Variants in KDM4C observed in about 807,000 individuals in gnomAD.
KDM4C encodes lysine-specific demethylase 4C.
KDM4C carries 81 observed loss-of-function variants against 129.3 expected under a neutral mutation model. The observed-to-expected ratio is 0.63, with a 90% CI of 0.52 to 0.75. The LOEUF is 0.75. Among genes scored for constraint, KDM4C ranks in the 30% least tolerant of loss-of-function variants. The probability of loss-of-function intolerance (pLI) is 0.00; values close to 1 mark genes in which losing one functional copy is unlikely to be tolerated. For missense variants in KDM4C, 1,457 were observed against 1,304.0 expected, an observed-to-expected ratio of 1.12 and a Z score of -1.81; for synonymous variants, 573 against 456.1, an observed-to-expected ratio of 1.26 and a Z score of -3.26.
chr9:6,983,151 G>A (rs1482076234), intron 9 of KDM4C, among the ~76,000 whole-genome samples: 8 of 152,200 alleles, frequency 5.3e-5, no homozygotes, highest in African/African-American at 1.9e-4. Flanking sequence ...ATCAGTAGCA[G>A]TGAAAGCTAA....
chr9:6,961,058 G>T (rs1445469133), intron 8 of KDM4C, among the ~76,000 whole-genome samples: 1 of 152,100 alleles, frequency 6.6e-6, no homozygotes, highest in African/African-American at 2.4e-5. Flanking sequence ...TTTTTCTTAG[G>T]CTGACACTTA....
At chr9:6,797,960 T>C (rs185364606) in intron 2 of KDM4C, among the ~76,000 whole-genome samples, 3 of 152,312 alleles carry the variant, frequency 2.0e-5, no homozygotes, top group Non-Finnish European at 4.4e-5. Flanking sequence ...TTAGATTCAC[T>C]AAACATAAAG....
In KDM4C at chr9:6,831,483, C is replaced by T. The variant is rs539752318; in HGVS notation, c.435+16738C>T. Among the ~76,000 whole-genome samples the T allele has an allele frequency of 9.2e-5, 14 of 152,270 alleles. No individual in the cohort carries two copies. The South Asian group carries it at 2.9e-3, about 32-fold the overall frequency. The stretch of plus-strand genomic sequence containing the variant: ...ATAGCCTTCCCAGTAACTGGGATTA[C>T]AGGTGTGTGCCACCACGCCCAGCTA... On this transcript the variant is annotated intron_variant, in intron 4 of 21. Transcript: ENST00000381309.
intron 19 of KDM4C, among the ~76,000 whole-genome samples, chr9:7,149,276 C>T (rs1246507990): frequency 6.6e-6 from 1 of 152,242 alleles, no homozygotes; most frequent in Non-Finnish European, 1.5e-5. Context: ...TGCCTGGGCT[C>T]AGCTATCAAG....
chr9:6,961,492 TTC>T lies in KDM4C; in HGVS notation c.922-19431_922-19430del, dbSNP rs369921192. Among the ~76,000 whole-genome samples, 35 of 152,340 alleles carry T rather than the reference TTC, an allele frequency of 2.3e-4. No individual in the cohort carries two copies. In the East Asian group the frequency reaches 5.8e-3, roughly 25 times the overall value. On this transcript the variant is annotated intron_variant, in intron 8 of 21. Transcript: ENST00000381309. ...CTGTCAGAAAATGAGTGCATAAACT[TTC>T]TGTTTGTAAAGAAGGTAACATTGTA... is the stretch of plus-strand genomic sequence containing the variant.
chr9:6,958,509 C>T (rs146679444), intron 8 of KDM4C, among the ~76,000 whole-genome samples: 1,929 of 151,868 alleles, frequency 0.013, 20 homozygotes, highest in Non-Finnish European at 0.021. Context: ...ATTGCTCCAA[C>T]CAGGGAGGCA....
rs151137989 is a variant in KDM4C, at chr9:6,733,632, C to G, written c.49+12635C>G. Among the ~76,000 whole-genome samples, 158 of 152,270 alleles carry G rather than the reference C, an allele frequency of 1.0e-3. 2 individuals are homozygous for G. The East Asian group carries it at 0.014, about 13-fold the overall frequency. ...CAGGAAAGGGGTCCCGATCCAGACC[C>G]CAAGAGAGGGTTGTTGGATCTCGCG... On this transcript the variant is annotated intron_variant, in intron 1 of 17. Transcript: ENST00000536108.
intron 1 of KDM4C, among the ~76,000 whole-genome samples, chr9:6,745,692 G>C (rs1292992166): frequency 6.6e-6 from 1 of 152,052 alleles, no homozygotes; most frequent in African/African-American, 2.4e-5. Flanking sequence ...TGGCTGGGGT[G>C]CAGTGGCGTG....
intron 1 of KDM4C, among the ~76,000 whole-genome samples, chr9:6,762,009 A>G (rs1819643157): frequency 6.6e-6 from 1 of 151,892 alleles, no homozygotes; most frequent in Non-Finnish European, 1.5e-5. Context: ...CGTGTTGGCC[A>G]GGATGGTCTC....
intron 8 of KDM4C, among the ~76,000 whole-genome samples, chr9:6,918,855 T>C (rs560951827): frequency 2.0e-3 from 300 of 152,168 alleles, no homozygotes; most frequent in African/African-American, 6.9e-3. Context: ...TGTCCTTTGC[T>C]CACTTTTTTT....
chr9:6,776,854 G>A (rs183686809), intron 1 of KDM4C, among the ~76,000 whole-genome samples: 228 of 150,862 alleles, frequency 1.5e-3, no homozygotes, highest in African/African-American at 5.3e-3. Flanking sequence ...CACCCGCCTC[G>A]GCCTCCCAAA....
At chr9:6,773,328 T>TA (rs959499245) in intron 1 of KDM4C, among the ~76,000 whole-genome samples, 2 of 152,180 alleles carry the variant, frequency 1.3e-5, no homozygotes, top group Admixed American at 6.5e-5. Flanking sequence ...TACCATTTTT[T>TA]AAAAAACGAA....
intron 17 of KDM4C, among the ~76,000 whole-genome samples, chr9:7,092,787 C>T (rs141105779): frequency 2.0e-5 from 3 of 152,084 alleles, no homozygotes; most frequent in South Asian, 2.1e-4. Context: ...AGAACATAAG[C>T]GGTACACGTC....
intron 17 of KDM4C, among the ~76,000 whole-genome samples, chr9:7,078,552 T>C (rs761204327): frequency 1.3e-5 from 2 of 152,200 alleles, no homozygotes; most frequent in Non-Finnish European, 2.9e-5. Flanking sequence ...ATATCTTTAG[T>C]AGTAATTTTC....
At chr9:7,104,827 G>T (rs75603698) in intron 18 of KDM4C, among the ~76,000 whole-genome samples, 1 of 152,200 alleles carries the variant, frequency 6.6e-6, no homozygotes, top group Admixed American at 6.5e-5. Context: ...CTGCCAAGTC[G>T]TCAGCATTGG....
chr9:7,113,129 A>T (rs971737256), intron 18 of KDM4C, among the ~76,000 whole-genome samples: 2 of 152,182 alleles, frequency 1.3e-5, no homozygotes, highest in Non-Finnish European at 2.9e-5. Context: ...GAGTAATGAG[A>T]ATTCTTAGCA....
chr9:7,018,287 G>A (rs766729454), intron 15 of KDM4C, among the ~76,000 whole-genome samples: 1 of 152,170 alleles, frequency 6.6e-6, no homozygotes, highest in Non-Finnish European at 1.5e-5. Flanking sequence ...AGACATAACA[G>A]CCTTACAATC....
intron 1 of KDM4C, among the ~76,000 whole-genome samples, chr9:6,743,685 T>A (rs2130272282): frequency 6.6e-6 from 1 of 152,152 alleles, no homozygotes; most frequent in Non-Finnish European, 1.5e-5. Context: ...TTTTCTGTAT[T>A]TTAGTAGAGA....
rs747054639 is a variant in KDM4C, at chr9:6,984,186, C to T, written c.1136C>T (p.Thr379Ile). The T allele has an allele frequency of 3.1e-5, 50 of 1,613,388 alleles. No individual in the cohort carries two copies. The highest frequency in any genetic ancestry group is 3.7e-5 in the Non-Finnish European group (44 of 1,179,538). Residue 379 changes from threonine to isoleucine, a missense_variant, in exon 10 of 22, where the codon ACC (threonine) becomes ATC (isoleucine). Physicochemically the swap from Thr to Ile is moderately conservative, Grantham distance 89. Coordinates refer to ENST00000381309, the MANE Select transcript of KDM4C (RefSeq NM_015061.6). ...GACAGCTTCCAGTGTGCTAGGTCTA[C>T]CTCTAAAAGGCCTAAGGCTGATGAG... ...ASRSFQCARS[T>I]SKRPKADEEE...
Sources: allele counts gnomAD v4.1 joint callset (sites outside exome capture counted in the v4.1 genomes callset), GRCh38; gene constraint gnomAD v4.1.1; transcripts MANE v1.5; gene names NCBI Gene and HGNC (gene_info 2026-07-23, HGNC 2026-07-21).